MORC4: variants seen among roughly 807,000 people sequenced by gnomAD.
The protein encoded by MORC4 is MORC family CW-type zinc finger 4.
MORC4 carries 22 observed loss-of-function variants against 65.5 expected under a neutral mutation model. The observed-to-expected ratio is 0.34, with a 90% CI of 0.24 to 0.48. MORC4 has a LOEUF of 0.48. MORC4 is among the 20% of genes least tolerant of loss of function. The pLI, the probability that MORC4 is intolerant of heterozygous loss-of-function variation, is 0.99. For missense variants in MORC4, 624 were observed against 703.0 expected (o/e 0.89, Z 1.27); for synonymous variants, 267 against 255.8 (o/e 1.04, Z -0.42).
At chrX:106,999,553 T>G in intron 2 of MORC4, 124 bp downstream of exon 2, 1 of 568,053 alleles carries the variant, frequency 1.8e-6, no homozygotes, top group Non-Finnish European at 2.5e-6. Flanking sequence ...CGGGGCCGGT[T>G]CCGAGGCCCC....
chrX:106,993,625 T>G (rs1395656833), intron 2 of MORC4, among the ~76,000 whole-genome samples: 1 of 111,737 alleles, frequency 8.9e-6, no homozygotes, highest in African/African-American at 3.3e-5. Context: ...AACTTCAGGG[T>G]CTTTGGAAAA....
intron 1 of MORC4, 33 bp downstream of exon 1, chrX:106,999,835 G>A (rs1463009769): frequency 2.9e-5 from 25 of 854,620 alleles, no homozygotes; most frequent in Non-Finnish European, 3.6e-5. Flanking sequence ...AGGGGCCCGC[G>A]CGCGCGTCCG....
chrX:106,950,106 G>T (rs763098752), intron 14 of MORC4, among the ~76,000 whole-genome samples: 12 of 111,897 alleles, frequency 1.1e-4, no homozygotes, highest in Non-Finnish European at 2.1e-4. Context: ...GTCCTGCTCT[G>T]ATTGCTTCTG....
chrX:106,964,844 T>C (rs748293956), intron 9 of MORC4, among the ~76,000 whole-genome samples: 1 of 110,753 alleles, frequency 9.0e-6, no homozygotes, highest in East Asian at 2.8e-4. Flanking sequence ...ACGCTGTCTC[T>C]ACTAAAAATA....
At position 106,942,786 on chromosome X, in the gene MORC4, C is replaced by G; in HGVS notation, c.2105G>C (p.Arg702Thr). Residue 702 changes from arginine to threonine, a missense_variant, in exon 15 of 17, where the codon AGA becomes ACA. Physicochemically the swap from Arg to Thr is moderately conservative, Grantham distance 71. Transcript: ENST00000355610. Reference protein sequence around the residue: ...VAVVGVAKGVRDSGAPIQLIP... With the variant: ...VAVVGVAKGVTDSGAPIQLIP... ...CAGCTGAATGGGAGCTCCTGAATCT[C>G]TAACACCTTTGGCAACACCCACAAC... The G allele has an allele frequency of 1.7e-6, 2 of 1,211,813 alleles. No homozygotes were observed. The highest frequency in any genetic ancestry group is 1.1e-6 in the Non-Finnish European group (1 of 895,542).
chrX:106,972,678 C>T (rs1016454426), intron 9 of MORC4, among the ~76,000 whole-genome samples: 1 of 111,888 alleles, frequency 8.9e-6, no homozygotes, highest in African/African-American at 3.3e-5. Flanking sequence ...GTAGCTCACA[C>T]CTGAAATCCC....
chrX:106,952,875 T>C (rs142458165), intron 14 of MORC4, among the ~76,000 whole-genome samples: 3,043 of 111,786 alleles, frequency 0.027, 66 homozygotes, highest in East Asian at 0.14. Flanking sequence ...ACTAGACTCT[T>C]GAGTAACTCC....
intron 9 of MORC4, among the ~76,000 whole-genome samples, chrX:106,975,610 A>G (rs1056863076): frequency 9.0e-6 from 1 of 111,568 alleles, no homozygotes; most frequent in African/African-American, 3.2e-5. Context: ...CACTCTAAGA[A>G]AAATATTTGC....
intron 14 of MORC4, among the ~76,000 whole-genome samples, chrX:106,954,017 A>T (rs1403469990): frequency 8.9e-6 from 1 of 112,656 alleles, no homozygotes; most frequent in African/African-American, 3.2e-5. Context: ...TAGCTACTCC[A>T]GAGGCTGAGG....
intron 2 of MORC4, among the ~76,000 whole-genome samples, chrX:106,997,377 C>T (rs138267836): frequency 0.018 from 2,059 of 111,574 alleles, 52 homozygotes; most frequent in African/African-American, 0.063. Flanking sequence ...TGCTGCAAGA[C>T]TGACTTTCCT....
intron 2 of MORC4, among the ~76,000 whole-genome samples, chrX:106,995,780 T>C (rs906241840): frequency 2.7e-5 from 3 of 112,249 alleles, no homozygotes; most frequent in African/African-American, 9.7e-5. Context: ...AGAAATGCAG[T>C]TCTTTACTTT....
At position 106,953,818 on chromosome X, in the gene MORC4, T is replaced by C. The variant is rs535632748; in HGVS notation, c.1685+1095A>G. Among the ~76,000 whole-genome samples, 100 of 111,949 alleles carry C rather than the reference T, an allele frequency of 8.9e-4. 1 individual carries two copies. The South Asian group carries it at 0.034, about 39-fold the overall frequency. On this transcript the variant is annotated intron_variant, in intron 14 of 16. Coordinates refer to ENST00000355610, the MANE Select transcript of MORC4 (RefSeq NM_024657.5). ...GTTAAGGAGATATCCAAAGTGAAAA[T>C]AGTCACTAAAAAGTTCACTTCCCGG...
chrX:106,974,160 C>T (rs917442448), intron 9 of MORC4, among the ~76,000 whole-genome samples: 1 of 111,640 alleles, frequency 9.0e-6, no homozygotes, highest in Non-Finnish European at 1.9e-5. Context: ...GGAGCCAAAT[C>T]CAGCCCACTG....
chrX:106,998,505 T>G (rs750869997), intron 2 of MORC4, among the ~76,000 whole-genome samples: 2 of 112,179 alleles, frequency 1.8e-5, no homozygotes, highest in African/African-American at 3.2e-5. Context: ...TCCCCCACTA[T>G]GTAAATCACT....
At chrX:106,950,806 A>G (rs1382406145) in intron 14 of MORC4, among the ~76,000 whole-genome samples, 1 of 111,687 alleles carries the variant, frequency 9.0e-6, no homozygotes, top group Admixed American at 9.5e-5. Flanking sequence ...GGGATGAGGG[A>G]GCCCCCATCT....
rs772088787 is a variant in MORC4, at chrX:106,961,947, T to G, written c.1256+65A>C. The G allele has an allele frequency of 2.7e-5, 25 of 922,601 alleles. No homozygotes were observed. The African/African-American group carries it at 4.6e-4, about 17-fold the overall frequency. 76.0% of individuals were successfully genotyped at this position (922,601 alleles called of 1,213,427 possible). On this transcript the variant is annotated intron_variant, in intron 10 of 16. Transcript: ENST00000355610. ...GAACCAAATCCAGACACATTACCCT[T>G]GTTCCTTCCATTTGATCTATGGATA...
intron 5 of MORC4, 39 bp from the exon 6 acceptor site, chrX:106,981,516 G>C (rs992146722): frequency 9.0e-7 from 1 of 1,107,806 alleles, no homozygotes. Flanking sequence ...ACAAAAACTG[G>C]CTCCAGAGGA....
chrX:106,961,327 T>A (rs1410495639), intron 10 of MORC4, among the ~76,000 whole-genome samples: 5 of 112,407 alleles, frequency 4.4e-5, no homozygotes, highest in African/African-American at 1.3e-4. Context: ...AGCCATCATC[T>A]TCTACTATAT....
At chrX:106,942,442 A>G (rs1933713122) in intron 15 of MORC4, 73 bp downstream of exon 15, 2 of 991,325 alleles carry the variant, frequency 2.0e-6, no homozygotes, top group Non-Finnish European at 2.8e-6. Context: ...AACATTAAAT[A>G]ATCAGGGCAC....
Sources: allele counts gnomAD v4.1 joint callset (sites outside exome capture counted in the v4.1 genomes callset), GRCh38; gene constraint gnomAD v4.1.1; transcripts MANE v1.5; gene names NCBI Gene and HGNC (gene_info 2026-07-23, HGNC 2026-07-21).